GRIA1: variants seen among roughly 807,000 people sequenced by gnomAD.
GRIA1 encodes the protein glutamate ionotropic receptor AMPA type subunit 1, also known as glutamate receptor 1.
Under a neutral mutation model 99.2 loss-of-function variants are expected in GRIA1, and 31 were observed. That is an observed-to-expected ratio of 0.31 (90% CI 0.23 to 0.42). The LOEUF is 0.42. Among genes scored for constraint, GRIA1 ranks in the 10% least tolerant of loss-of-function variants. GRIA1 has a pLI of 1.00. For synonymous variants in GRIA1, 438 were observed against 432.4 expected (o/e 1.01, Z -0.16); for missense variants, 782 against 1,157.5 (o/e 0.68, Z 4.71).
At chr5:153,562,088 T>C (rs1761181389) in intron 2 of GRIA1, among the ~76,000 whole-genome samples, 1 of 148,434 alleles carries the variant, frequency 6.7e-6, no homozygotes, top group African/African-American at 2.5e-5. Context: ...ACCAAGTTCA[T>C]TTGAGAACCA....
At chr5:153,747,746 T>C (rs943733477) in intron 11 of GRIA1, among the ~76,000 whole-genome samples, 2 of 152,218 alleles carry the variant, frequency 1.3e-5, no homozygotes, top group African/African-American at 4.8e-5. Context: ...GTGACATCTC[T>C]TTCCATGAAA....
intron 2 of GRIA1, among the ~76,000 whole-genome samples, chr5:153,634,328 A>G (rs1490927040): frequency 3.4e-5 from 4 of 116,192 alleles, no homozygotes; most frequent in Admixed American, 1.7e-4. Flanking sequence ...AAAAAAAAAA[A>G]AGAAAAAAAA....
intron 2 of GRIA1, among the ~76,000 whole-genome samples, chr5:153,520,645 A>G (rs1207899523): frequency 6.6e-6 from 1 of 152,120 alleles, no homozygotes; most frequent in Non-Finnish European, 1.5e-5. Context: ...CTAGTGCTAG[A>G]GGCTCCATAG....
intron 1 of GRIA1, 111 bp downstream of exon 1, chr5:153,491,081 T>G: frequency 8.6e-7 from 1 of 1,160,200 alleles, no homozygotes; most frequent in Non-Finnish European, 1.3e-6. Flanking sequence ...CTTGGCTCCC[T>G]AAAGCTGTGC....
intron 15 of GRIA1, among the ~76,000 whole-genome samples, chr5:153,809,928 C>A (rs369718008): frequency 6.6e-6 from 1 of 152,120 alleles, no homozygotes. Context: ...ATTGACAATT[C>A]TTTATATTGA....
At chr5:153,773,771 T>C (rs1039194670) in intron 13 of GRIA1, among the ~76,000 whole-genome samples, 5 of 152,112 alleles carry the variant, frequency 3.3e-5, no homozygotes, top group Admixed American at 3.3e-4. Flanking sequence ...AACACCCAAA[T>C]GATGGTCATA....
intron 13 of GRIA1, among the ~76,000 whole-genome samples, chr5:153,771,215 T>A (rs1217843734): frequency 1.3e-5 from 2 of 152,220 alleles, no homozygotes; most frequent in African/African-American, 2.4e-5. Flanking sequence ...TCAAATGGTA[T>A]AATTTATGTT....
intron 2 of GRIA1, among the ~76,000 whole-genome samples, chr5:153,601,544 T>TA: frequency 6.6e-6 from 1 of 152,248 alleles, no homozygotes; most frequent in Non-Finnish European, 1.5e-5. Context: ...TGCCCATGTC[T>TA]AAAAGCAAAA....
intron 4 of GRIA1, among the ~76,000 whole-genome samples, chr5:153,651,541 C>T (rs963932244): frequency 5.9e-5 from 9 of 152,162 alleles, no homozygotes; most frequent in Non-Finnish European, 7.3e-5. Flanking sequence ...TGAACAATGT[C>T]ATACAATAAA....
rs1018488281 is a variant in GRIA1 at position 153,491,142 on chromosome 5, C to T, written c.82+172C>T. Reference sequence around the variant, plus strand: ...CTTACAGCCAGAGGAGGGGGCTTCTCCTGATCGGATGAGGGGCAGAGGGGA... The same window carrying T: ...CTTACAGCCAGAGGAGGGGGCTTCTTCTGATCGGATGAGGGGCAGAGGGGA... On this transcript the variant is annotated intron_variant, in intron 1 of 15. Coordinates refer to ENST00000285900, the MANE Select transcript of GRIA1 (RefSeq NM_000827.4). 1.4e-5 allele frequency: 14 copies of T among 980,416 alleles called. No homozygotes were observed. In the East Asian group the frequency reaches 3.6e-4, roughly 25 times the overall value. 60.7% of individuals were successfully genotyped at this position (980,416 alleles called of 1,614,324 possible).
chr5:153,747,935 A>G (rs1762264119), intron 11 of GRIA1, among the ~76,000 whole-genome samples: 1 of 152,234 alleles, frequency 6.6e-6, no homozygotes. Context: ...CTTGGTGTGT[A>G]GTCAGTCCTC....
intron 2 of GRIA1, among the ~76,000 whole-genome samples, chr5:153,544,759 G>A (rs6858939): frequency 0.41 from 62,373 of 152,016 alleles, 14,068 homozygotes; most frequent in Non-Finnish European, 0.51. Flanking sequence ...AGATGGAAGA[G>A]ACATGGAAAG....
At chr5:153,632,101 G>A (rs1390235284) in intron 2 of GRIA1, among the ~76,000 whole-genome samples, 3 of 152,180 alleles carry the variant, frequency 2.0e-5, no homozygotes, top group Non-Finnish European at 2.9e-5. Flanking sequence ...GACAGGATGT[G>A]ATTTCCATTT....
At chr5:153,670,361 G>T (rs1164130118) in intron 5 of GRIA1, among the ~76,000 whole-genome samples, 7 of 152,032 alleles carry the variant, frequency 4.6e-5, no homozygotes, top group Admixed American at 4.6e-4. Context: ...AAGGAGAGTG[G>T]GTTTAGACCT....
At chr5:153,686,717 C>T (rs575858814) in intron 8 of GRIA1, among the ~76,000 whole-genome samples, 1 of 152,116 alleles carries the variant, frequency 6.6e-6, no homozygotes, top group African/African-American at 2.4e-5. Flanking sequence ...CTATCTCTTC[C>T]TAATCGATAG....
rs150605813 is a variant in GRIA1, at chr5:153,786,009, C to G, written c.2271-8612C>G. On this transcript the variant is annotated intron_variant, in intron 13 of 15. Coordinates refer to ENST00000285900, the MANE Select transcript of GRIA1 (RefSeq NM_000827.4). ...GTCCTGCTTGCTTTGAAGTGGCCCA[C>G]TATCTCCATGATCCCTGGATCCAGG... is the stretch of plus-strand genomic sequence containing the variant. Among the ~76,000 whole-genome samples, 892 of 152,318 alleles carry G rather than the reference C, an allele frequency of 5.9e-3. 10 individuals carry two copies. Among genetic ancestry groups the G allele is most frequent in the African/African-American group, 0.02 (847 of 41,572 alleles).
At chr5:153,636,202 G>C (rs1229235410) in intron 2 of GRIA1, among the ~76,000 whole-genome samples, 1 of 152,164 alleles carries the variant, frequency 6.6e-6, no homozygotes, top group African/African-American at 2.4e-5. Flanking sequence ...CTCCTCATCT[G>C]TTCATGGGTT....
chr5:153,556,861 T>A (rs6580024), intron 2 of GRIA1, among the ~76,000 whole-genome samples: 70,913 of 151,988 alleles, frequency 0.47, 18,283 homozygotes, highest in Non-Finnish European at 0.59. Flanking sequence ...TCACCATTGC[T>A]TGAATATCAC....
chr5:153,613,589 C>G (rs1035972826), intron 2 of GRIA1, among the ~76,000 whole-genome samples: 10 of 151,922 alleles, frequency 6.6e-5, no homozygotes, highest in Non-Finnish European at 1.5e-4. Flanking sequence ...TTTTTTCCCT[C>G]TCTTCCTCTC....
Sources: allele counts gnomAD v4.1 joint callset (sites outside exome capture counted in the v4.1 genomes callset), GRCh38; gene constraint gnomAD v4.1.1; transcripts MANE v1.5; gene names NCBI Gene and HGNC (gene_info 2026-07-23, HGNC 2026-07-21).